Variants in PTGES3 observed in about 807,000 individuals in gnomAD.
PTGES3 encodes the protein prostaglandin E synthase 3, also known as Hsp90 co-chaperone.
In PTGES3, 5 loss-of-function variants were observed where a neutral mutation model predicts 29.9. That is an observed-to-expected ratio of 0.17 (90% CI 0.09 to 0.35). The LOEUF (loss-of-function observed/expected upper bound fraction) is 0.35. PTGES3 is among the 10% of genes least tolerant of loss of function. PTGES3 has a pLI of 1.00. For missense variants in PTGES3, 128 were observed against 190.0 expected (o/e 0.67, Z 1.92); for synonymous variants, 49 against 57.8 (o/e 0.85, Z 0.69).
intron 1 of PTGES3, chr12:56,687,018 A>AAC (rs1565881771): frequency 2.6e-6 from 1 of 389,818 alleles, no homozygotes; most frequent in African/African-American, 2.1e-5. Flanking sequence ...AAAAAAAAAA[A>AAC]AAAAAAAAAA....
At chr12:56,687,311 C>A in intron 1 of PTGES3, 2 of 990,262 alleles carry the variant, frequency 2.0e-6, no homozygotes, top group Non-Finnish European at 2.4e-6. Context: ...ACGTGCGGAA[C>A]TACCTGCTCA....
At position 56,664,538 on chromosome 12, in the gene PTGES3, G is replaced by T. The variant is rs750323436; in HGVS notation, c.464-40C>A. On this transcript the variant is annotated intron_variant, in intron 7 of 7. Coordinates refer to ENST00000262033, the MANE Select transcript of PTGES3 (RefSeq NM_006601.7). ...AAAAATATTAGTATATAGTACAAGTGAATAATCTACCAATTTTACTGTCTT... is the reference window on the plus strand; with the variant it reads ...AAAAATATTAGTATATAGTACAAGTTAATAATCTACCAATTTTACTGTCTT... The T allele has an allele frequency of 1.9e-6, 3 of 1,557,846 alleles. No homozygotes were observed. The South Asian group carries it at 3.6e-5, about 19-fold the overall frequency.
At chr12:56,678,940 G>A (rs899560489) in intron 1 of PTGES3, among the ~76,000 whole-genome samples, 2 of 152,094 alleles carry the variant, frequency 1.3e-5, no homozygotes, top group African/African-American at 4.8e-5. Flanking sequence ...AACACTGCGA[G>A]ACCACATCTC....
rs922256768 is a variant in PTGES3 at position 56,688,075 on chromosome 12, C to G, written c.-76G>C. The G allele has an allele frequency of 2.8e-6, 4 of 1,447,130 alleles. No individual in the cohort carries two copies. The African/African-American group carries it at 4.5e-5, about 16-fold the overall frequency. 89.6% of individuals were successfully genotyped at this position (1,447,130 alleles called of 1,614,324 possible). The stretch of plus-strand genomic sequence containing the variant: ...GCGGCTGCTGCTAGGGAGTCGACTT[C>G]TCTCCGGTGGCGACTCCGCTTTTTC... On this transcript the variant is annotated 5_prime_UTR_variant, in exon 1 of 8. Coordinates refer to ENST00000262033, the MANE Select transcript of PTGES3 (RefSeq NM_006601.7).
chr12:56,664,633 T>G, intron 7 of PTGES3, 135 bp from the exon 8 acceptor site: 1 of 1,367,684 alleles, frequency 7.3e-7, no homozygotes, highest in South Asian at 1.3e-5. Flanking sequence ...TGCTATCAAG[T>G]TATTCACATT....
intron 6 of PTGES3, chr12:56,665,913 G>A (rs1036287414): frequency 8.9e-6 from 9 of 1,013,158 alleles, no homozygotes; most frequent in African/African-American, 3.4e-5. Context: ...GAGCCACCTC[G>A]CCCGGCCTAA....
At chr12:56,686,107 A>G (rs1257514941) in intron 1 of PTGES3, among the ~76,000 whole-genome samples, 1 of 83,408 alleles carries the variant, frequency 1.2e-5, no homozygotes, top group Non-Finnish European at 2.7e-5. Context: ...TTTTAAATCT[A>G]CTTTCCTAGT....
chr12:56,680,708 CAT>C (rs997342360), intron 1 of PTGES3, among the ~76,000 whole-genome samples: 1 of 151,838 alleles, frequency 6.6e-6, no homozygotes, highest in Admixed American at 6.6e-5. Context: ...TGAGGGAATA[CAT>C]ATGTGTTTAT....
Position 56,688,008 on chromosome 12 carries a change from G to C in PTGES3, c.-9C>G. On this transcript the variant is annotated 5_prime_UTR_variant, in exon 1 of 8. Transcript: ENST00000262033. ...GGGTGTCGCACTCACATTGTGAACGGGGCAGGGGGACGGGCGAACTGGTGG... is the reference window on the plus strand; with the variant it reads ...GGGTGTCGCACTCACATTGTGAACGCGGCAGGGGGACGGGCGAACTGGTGG... 5 of 1,551,814 alleles carry C rather than the reference G, an allele frequency of 3.2e-6. No homozygotes were observed. Among genetic ancestry groups the C allele is most frequent in the Non-Finnish European group, 4.4e-6 (5 of 1,148,360 alleles).
intron 7 of PTGES3, 32 bp from the exon 8 acceptor site, chr12:56,664,530 G>A: frequency 1.9e-6 from 3 of 1,569,714 alleles, no homozygotes; most frequent in African/African-American, 1.4e-5. Context: ...TTAGTATATA[G>A]TACAAGTGAA....
intron 1 of PTGES3, 34 bp downstream of exon 1, chr12:56,687,964 C>T (rs1451805495): frequency 6.2e-7 from 1 of 1,602,550 alleles, no homozygotes; most frequent in Admixed American, 1.7e-5. Flanking sequence ...CGGCCTCACT[C>T]GGCGACCTTC....
intron 3 of PTGES3, 43 bp from the exon 4 acceptor site, chr12:56,671,890 CACT>C: frequency 8.2e-7 from 1 of 1,222,194 alleles, no homozygotes; most frequent in Non-Finnish European, 1.1e-6. Context: ...TTTCCAGCAT[CACT>C]ACATGATAGA....
chr12:56,674,352 T>C (rs1264024607), intron 1 of PTGES3, among the ~76,000 whole-genome samples: 1 of 152,128 alleles, frequency 6.6e-6, no homozygotes, highest in Non-Finnish European at 1.5e-5. Context: ...TGTGAAGAAA[T>C]AAATTTCTGC....
chr12:56,677,513 A>AACGAATTT (rs1332464276), intron 1 of PTGES3, among the ~76,000 whole-genome samples: 1 of 152,140 alleles, frequency 6.6e-6, no homozygotes, highest in African/African-American at 2.4e-5. Flanking sequence ...CTATTGGAAA[A>AACGAATTT]ACGAATTTAC....
At chr12:56,672,588 C>A (rs1341968235) in intron 3 of PTGES3, 152 bp downstream of exon 3, 3 of 998,782 alleles carry the variant, frequency 3.0e-6, no homozygotes, top group East Asian at 6.1e-5. Flanking sequence ...ATGCAGAAAC[C>A]AATTTTGGAG....
chr12:56,664,870 A>G lies in PTGES3; in HGVS notation c.439-70T>C, dbSNP rs372458172. On this transcript the variant is annotated intron_variant, in intron 6 of 7. Transcript: ENST00000262033. The stretch of plus-strand genomic sequence containing the variant: ...TTGCTAACTGAACAGTTTACCTAAA[A>G]AAGTTCAAGTGCTATATTTTTGACT... 3.8e-6 allele frequency: 6 copies of G among 1,571,522 alleles called. No homozygotes were observed. In the South Asian group the frequency reaches 4.7e-5, roughly 12 times the overall value.
rs9325161 is a variant in PTGES3 at position 56,685,770 on chromosome 12, CTTTTTTTTTTTTTTT to C, written c.2+2213_2+2227del. 7.0e-4 allele frequency among the ~76,000 whole-genome samples: 50 copies of C among 71,900 alleles called. 1 individual carries two copies. Among genetic ancestry groups the C allele is most frequent in the East Asian group, 2.2e-3 (6 of 2,672 alleles). 47.2% of individuals were successfully genotyped at this position (71,900 alleles called of 152,430 possible). ...AATAGTCTCTCTACTGCTACACTTACTTTTTTTTTTTTTTTTTTTTTTTTGAGACGGAGTCTCCCT... is the reference window on the plus strand; with the variant it reads ...AATAGTCTCTCTACTGCTACACTTACTTTTTTTTTGAGACGGAGTCTCCCT... On this transcript the variant is annotated intron_variant, in intron 1 of 7. Transcript: ENST00000262033.
intron 1 of PTGES3, among the ~76,000 whole-genome samples, chr12:56,673,779 G>A (rs545827053): frequency 4.1e-5 from 5 of 122,050 alleles, no homozygotes; most frequent in African/African-American, 9.5e-5. Context: ...GCAACAGAGC[G>A]AGACTGTCTC....
At chr12:56,687,749 G>C in intron 1 of PTGES3, 1 of 1,378,120 alleles carries the variant, frequency 7.3e-7, no homozygotes, top group Non-Finnish European at 9.3e-7. Flanking sequence ...ACAGCCAAAG[G>C]GGTAAAAGTA....
Sources: gnomAD v4.1 joint callset for allele counts (sites outside exome capture counted in the v4.1 genomes callset) on GRCh38, gnomAD v4.1.1 for gene constraint, MANE v1.5 for transcripts, NCBI Gene and HGNC (gene_info 2026-07-23, HGNC 2026-07-21) for gene names.